Variants in SCFD2 observed in about 807,000 individuals in gnomAD.
SCFD2 encodes the protein sec1 family domain containing 2, also known as sec1 family domain-containing protein 2.
A neutral mutation model predicts 58.9 loss-of-function variants in SCFD2; 54 were observed. That is an observed-to-expected ratio of 0.92 (90% CI 0.74 to 1.15). SCFD2 has a LOEUF of 1.15. SCFD2 is among the 50% of genes most tolerant of loss of function. The probability of loss-of-function intolerance (pLI) is 0.00; values close to 1 mark genes in which losing one functional copy is unlikely to be tolerated. For missense variants in SCFD2, 805 were observed against 836.6 expected, an observed-to-expected ratio of 0.96 and a Z score of 0.47; for synonymous variants, 321 against 335.9, an observed-to-expected ratio of 0.96 and a Z score of 0.49.
chr4:53,217,750 C>G (rs894906771), intron 4 of SCFD2, among the ~76,000 whole-genome samples: 6 of 152,178 alleles, frequency 3.9e-5, no homozygotes, highest in African/African-American at 1.4e-4. Context: ...ATGGTCTTTA[C>G]AATTTGGCAT....
chr4:53,255,837 G>T (rs1240201073), intron 4 of SCFD2, among the ~76,000 whole-genome samples: 1 of 147,958 alleles, frequency 6.8e-6, no homozygotes, highest in Non-Finnish European at 1.5e-5. Context: ...TGGCCGGGCG[G>T]GGGGCTGACC....
chr4:53,074,418 A>G (rs1723911222), intron 5 of SCFD2, among the ~76,000 whole-genome samples: 1 of 152,122 alleles, frequency 6.6e-6, no homozygotes, highest in Non-Finnish European at 1.5e-5. Context: ...GCTGTTAATG[A>G]TATTTTCACC....
chr4:52,952,363 G>C (rs76025374), intron 5 of SCFD2, among the ~76,000 whole-genome samples: 1 of 150,982 alleles, frequency 6.6e-6, no homozygotes, highest in East Asian at 1.9e-4. Flanking sequence ...TCTTTCTGGG[G>C]GACAATCTAA....
At chr4:52,913,460 T>C (rs1021727424) in intron 6 of SCFD2, among the ~76,000 whole-genome samples, 1 of 152,208 alleles carries the variant, frequency 6.6e-6, no homozygotes, top group Non-Finnish European at 1.5e-5. Flanking sequence ...TAATGTCTGA[T>C]GGCCTGTCAC....
intron 5 of SCFD2, among the ~76,000 whole-genome samples, chr4:53,130,979 C>T (rs190561956): frequency 2.2e-4 from 33 of 152,232 alleles, no homozygotes; most frequent in East Asian, 9.7e-4. Flanking sequence ...TCTATCTACA[C>T]GCAAATATAA....
intron 5 of SCFD2, among the ~76,000 whole-genome samples, chr4:52,968,433 T>A (rs1008186844): frequency 1.3e-5 from 2 of 152,186 alleles, no homozygotes; most frequent in Admixed American, 6.5e-5. Flanking sequence ...GGCTGGGCTT[T>A]GTTTATATCT....
intron 5 of SCFD2, among the ~76,000 whole-genome samples, chr4:52,921,804 C>G (rs926233980): frequency 2.0e-5 from 3 of 152,172 alleles, no homozygotes; most frequent in Non-Finnish European, 4.4e-5. Flanking sequence ...CTGTCTGTCT[C>G]TCTCTGCCTC....
intron 5 of SCFD2, among the ~76,000 whole-genome samples, chr4:53,115,750 A>G (rs1262910661): frequency 6.6e-6 from 1 of 152,190 alleles, no homozygotes; most frequent in Non-Finnish European, 1.5e-5. Flanking sequence ...ATCTATTTAT[A>G]GTATGGCAAT....
chr4:53,251,999 C>G (rs979580221), intron 4 of SCFD2, among the ~76,000 whole-genome samples: 1 of 152,146 alleles, frequency 6.6e-6, no homozygotes, highest in African/African-American at 2.4e-5. Context: ...CATCTCAGCC[C>G]AAAATCTCCT....
chr4:53,294,826 G>A (rs1235665949), intron 3 of SCFD2, among the ~76,000 whole-genome samples: 1 of 152,058 alleles, frequency 6.6e-6, no homozygotes, highest in Non-Finnish European at 1.5e-5. Context: ...GTAGGTGTAA[G>A]GAAGGAATCC....
chr4:53,265,062 T>C (rs1485062360), intron 4 of SCFD2, among the ~76,000 whole-genome samples: 1 of 152,206 alleles, frequency 6.6e-6, no homozygotes, highest in Non-Finnish European at 1.5e-5. Context: ...AGTATATGTT[T>C]AGGAAGTAGG....
At chr4:53,107,331 T>A (rs755508004) in intron 5 of SCFD2, among the ~76,000 whole-genome samples, 2 of 152,086 alleles carry the variant, frequency 1.3e-5, no homozygotes, top group African/African-American at 2.4e-5. Context: ...ATGGGCAAAA[T>A]AACCAGCTAG....
intron 6 of SCFD2, among the ~76,000 whole-genome samples, chr4:52,914,037 C>T (rs901876082): frequency 2.0e-5 from 3 of 152,210 alleles, no homozygotes; most frequent in African/African-American, 7.2e-5. Context: ...TCCTTAACAA[C>T]TGGCAAGCTG....
At chr4:53,324,669 G>A (rs1488892304) in intron 2 of SCFD2, among the ~76,000 whole-genome samples, 1 of 152,116 alleles carries the variant, frequency 6.6e-6, no homozygotes, top group Non-Finnish European at 1.5e-5. Context: ...GGGGGCTTAG[G>A]ATGTGCTGGT....
intron 1 of SCFD2, among the ~76,000 whole-genome samples, chr4:53,356,512 A>G (rs1218709097): frequency 6.6e-6 from 1 of 152,062 alleles, no homozygotes; most frequent in Non-Finnish European, 1.5e-5. Flanking sequence ...TGCAGCCTAG[A>G]TTTCCCAGAC....
chr4:53,355,393 A>G (rs1235238464), intron 1 of SCFD2, among the ~76,000 whole-genome samples: 1 of 151,968 alleles, frequency 6.6e-6, no homozygotes, highest in Non-Finnish European at 1.5e-5. Context: ...CCTCTCAGTT[A>G]CTCTCTGAGG....
At chr4:52,959,270 T>C (rs1438343472) in intron 5 of SCFD2, among the ~76,000 whole-genome samples, 1 of 152,118 alleles carries the variant, frequency 6.6e-6, no homozygotes, top group Non-Finnish European at 1.5e-5. Flanking sequence ...AGTTTCTTTC[T>C]GCTTGATAAT....
chr4:53,072,703 C>T (rs1445646295), intron 5 of SCFD2, among the ~76,000 whole-genome samples: 6 of 151,972 alleles, frequency 3.9e-5, no homozygotes, highest in Admixed American at 1.3e-4. Flanking sequence ...AATCAGACAC[C>T]GCTTCCTCAA....
At chr4:53,346,277 CTT>C (rs58195090) in intron 2 of SCFD2, among the ~76,000 whole-genome samples, 1 of 135,206 alleles carries the variant, frequency 7.4e-6, no homozygotes, top group African/African-American at 2.7e-5. Flanking sequence ...CTTTTTTTTT[CTT>C]TTTTTTTTTT....
Sources: gnomAD v4.1 joint callset for allele counts (sites outside exome capture counted in the v4.1 genomes callset) on GRCh38, gnomAD v4.1.1 for gene constraint, MANE v1.5 for transcripts, NCBI Gene and HGNC (gene_info 2026-07-23, HGNC 2026-07-21) for gene names.